The following COMMD10 variants were observed in gnomAD, a reference collection of about 807,000 sequenced individuals.
COMMD10 encodes the protein COMM domain-containing protein 10.
Under a neutral mutation model 28.9 loss-of-function variants are expected in COMMD10, and 33 were observed. The ratio of observed to expected loss-of-function variants is 1.14; its 90% CI spans 0.87 to 1.53. The LOEUF is 1.53. Ranked by LOEUF, COMMD10 falls within the 40% of genes most tolerant of loss-of-function variation. The pLI, the probability that COMMD10 is intolerant of heterozygous loss-of-function variation, is 0.00. For synonymous variants in COMMD10, 110 were observed against 81.7 expected (o/e 1.35, Z -1.87); for missense variants, 310 against 233.4 (o/e 1.33, Z -2.14).
intron 4 of COMMD10, among the ~76,000 whole-genome samples, chr5:116,111,801 G>A (rs1168065589): frequency 1.3e-5 from 2 of 152,162 alleles, no homozygotes; most frequent in African/African-American, 2.4e-5. Context: ...TTTGTCTGAA[G>A]TCCAATTTAA....
At chr5:116,102,791 T>C (rs1259067486) in intron 4 of COMMD10, among the ~76,000 whole-genome samples, 1 of 152,160 alleles carries the variant, frequency 6.6e-6, no homozygotes, top group Non-Finnish European at 1.5e-5. Context: ...ACATTAGGTA[T>C]TTCTCCTAAT....
At chr5:116,283,854 G>C (rs1478986411) in intron 5 of COMMD10, among the ~76,000 whole-genome samples, 2 of 151,696 alleles carry the variant, frequency 1.3e-5, no homozygotes, top group East Asian at 1.9e-4. Context: ...CAAAGGCCAG[G>C]TACAGTGGCT....
At chr5:116,291,618 T>C in intron 6 of COMMD10, 42 bp downstream of exon 6, 1 of 1,130,090 alleles carries the variant, frequency 8.8e-7, no homozygotes, top group Non-Finnish European at 1.3e-6. Flanking sequence ...TGGAGTTTTT[T>C]TCATAATATT....
chr5:116,143,067 T>G (rs56079557), intron 5 of COMMD10, among the ~76,000 whole-genome samples: 2 of 96,504 alleles, frequency 2.1e-5, no homozygotes, highest in East Asian at 2.8e-4. Context: ...TGTGTGTTTT[T>G]GGTTTTTTTT....
intron 6 of COMMD10, 52 bp downstream of exon 6, chr5:116,291,628 T>G: frequency 9.7e-7 from 1 of 1,028,054 alleles, no homozygotes; most frequent in Non-Finnish European, 1.4e-6. Context: ...TTCATAATAT[T>G]TTGTTTCATT....
At chr5:116,174,152 C>T (rs1261050827) in intron 5 of COMMD10, among the ~76,000 whole-genome samples, 2 of 125,180 alleles carry the variant, frequency 1.6e-5, no homozygotes, top group East Asian at 2.1e-4. Context: ...GGCTTTTCTT[C>T]CTGATAATAC....
At chr5:116,123,111 G>A (rs1751499271) in intron 4 of COMMD10, among the ~76,000 whole-genome samples, 2 of 151,150 alleles carry the variant, frequency 1.3e-5, no homozygotes, top group Admixed American at 6.6e-5. Flanking sequence ...ATTGGCTGTG[G>A]GTTTGTCATA....
At chr5:116,226,901 C>T (rs949737630) in intron 5 of COMMD10, among the ~76,000 whole-genome samples, 3 of 152,014 alleles carry the variant, frequency 2.0e-5, no homozygotes, top group African/African-American at 7.2e-5. Flanking sequence ...TGCTGAGTTT[C>T]AGTTTCAAAT....
At chr5:116,115,533 T>C (rs1475728486) in intron 4 of COMMD10, among the ~76,000 whole-genome samples, 1 of 152,218 alleles carries the variant, frequency 6.6e-6, no homozygotes, top group Non-Finnish European at 1.5e-5. Context: ...TATTCTTCCC[T>C]CTTGAATCTG....
chr5:116,114,626 C>T (rs533752666), intron 4 of COMMD10, among the ~76,000 whole-genome samples: 1 of 152,192 alleles, frequency 6.6e-6, no homozygotes, highest in Admixed American at 6.5e-5. Context: ...TTGGGAAAGC[C>T]TGGGCTTGTC....
At position 116,142,578 on chromosome 5, in the gene COMMD10, G is replaced by T. The variant is rs141270957; in HGVS notation, c.510+8400G>T. ...AGAAACGCAAACGTTGCATTCAGAA[G>T]ATTTCTTAGCTTCTAGAGAAAGATA... is the stretch of plus-strand genomic sequence containing the variant. On this transcript the variant is annotated intron_variant, in intron 5 of 6. Transcript: ENST00000274458. Among the ~76,000 whole-genome samples the T allele has an allele frequency of 8.3e-3, 1,259 of 151,826 alleles. 7 individuals carry two copies. Among genetic ancestry groups the T allele is most frequent in the Non-Finnish European group, 0.014 (975 of 67,756 alleles).
chr5:116,116,151 G>A (rs892611164), intron 4 of COMMD10, among the ~76,000 whole-genome samples: 1 of 151,940 alleles, frequency 6.6e-6, no homozygotes, highest in Admixed American at 6.6e-5. Flanking sequence ...ATAGTCCTAA[G>A]ATAATAATGT....
At chr5:116,255,745 T>A (rs1326344106) in intron 5 of COMMD10, 2 of 144,176 alleles carry the variant, frequency 1.4e-5, no homozygotes, top group Non-Finnish European at 3.0e-5. Context: ...CAGTTACTTA[T>A]TCTTTATATC....
At chr5:116,256,227 G>A (rs1750280219) in intron 5 of COMMD10, among the ~76,000 whole-genome samples, 2 of 151,636 alleles carry the variant, frequency 1.3e-5, no homozygotes, top group African/African-American at 4.9e-5. Flanking sequence ...TGTCCAAAAT[G>A]ATTTTGAATC....
At chr5:116,140,304 T>C (rs930601523) in intron 5 of COMMD10, among the ~76,000 whole-genome samples, 11 of 151,542 alleles carry the variant, frequency 7.3e-5, no homozygotes, top group Admixed American at 2.6e-4. Flanking sequence ...TGTACACATA[T>C]GGACACATAC....
intron 4 of COMMD10, among the ~76,000 whole-genome samples, chr5:116,125,073 T>C (rs1249313947): frequency 6.6e-6 from 1 of 152,206 alleles, no homozygotes; most frequent in Non-Finnish European, 1.5e-5. Context: ...AATATTGTTA[T>C]GTGTGAATTT....
At chr5:116,140,112 G>C (rs899130676) in intron 5 of COMMD10, among the ~76,000 whole-genome samples, 1 of 151,476 alleles carries the variant, frequency 6.6e-6, no homozygotes, top group African/African-American at 2.4e-5. Flanking sequence ...ATATAAGTGA[G>C]ATCATGCAGT....
chr5:116,180,399 T>C (rs1311230112), intron 5 of COMMD10, among the ~76,000 whole-genome samples: 1 of 152,152 alleles, frequency 6.6e-6, no homozygotes, highest in African/African-American at 2.4e-5. Flanking sequence ...ATCTTTTGTT[T>C]AGGTCCTAGG....
At chr5:116,100,560 C>T (rs1750627068) in intron 4 of COMMD10, among the ~76,000 whole-genome samples, 1 of 144,882 alleles carries the variant, frequency 6.9e-6, no homozygotes, top group African/African-American at 2.5e-5. Flanking sequence ...TTTCTCAGTA[C>T]CATTAGTTGA....
Sources: allele counts gnomAD v4.1 joint callset (sites outside exome capture counted in the v4.1 genomes callset), GRCh38; gene constraint gnomAD v4.1.1; transcripts MANE v1.5; gene names NCBI Gene and HGNC (gene_info 2026-07-23, HGNC 2026-07-21).